The following NSD1 variants were observed in gnomAD, a reference collection of about 807,000 sequenced individuals.
NSD1 encodes the protein histone-lysine N-methyltransferase, H3 lysine-36 specific.
NSD1 carries 26 observed loss-of-function variants against 242.7 expected under a neutral mutation model. That is an observed-to-expected ratio of 0.11 (90% CI 0.08 to 0.15). NSD1 has a LOEUF of 0.15. Among genes scored for constraint, NSD1 ranks in the 10% least tolerant of loss-of-function variants. NSD1 has a pLI of 1.00. For missense variants in NSD1, 2,495 were observed against 3,272.8 expected, an observed-to-expected ratio of 0.76 and a Z score of 5.80; for synonymous variants, 1,106 against 1,178.1, an observed-to-expected ratio of 0.94 and a Z score of 1.25.
At chr5:177,208,142 A>G (rs887192493) in intron 4 of NSD1, among the ~76,000 whole-genome samples, 8 of 152,218 alleles carry the variant, frequency 5.3e-5, no homozygotes, top group Admixed American at 3.9e-4. Flanking sequence ...TGTGGTAGTT[A>G]GAATCTTGAC....
chr5:177,217,829 G>A (rs1193201464), intron 5 of NSD1, among the ~76,000 whole-genome samples: 9 of 151,470 alleles, frequency 5.9e-5, no homozygotes, highest in South Asian at 4.2e-4. Context: ...CACCACGCCC[G>A]GCTAATTTTT....
intron 2 of NSD1, among the ~76,000 whole-genome samples, chr5:177,143,495 T>G (rs1034701022): frequency 6.6e-6 from 1 of 152,042 alleles, no homozygotes; most frequent in Non-Finnish European, 1.5e-5. Context: ...CTAATTTTTG[T>G]ATTTTTAGAA....
In NSD1 at chr5:177,300,000, ATTG is replaced by A. The variant is rs1009370422; in HGVS notation, c.*4544_*4546del. 1.0e-5 allele frequency: 2 copies of A among 198,176 alleles called. No individual in the cohort carries two copies. The highest frequency in any genetic ancestry group is 6.6e-5 in the Admixed American group (1 of 15,200). 12.3% of individuals were successfully genotyped at this position (198,176 alleles called of 1,614,324 possible). On this transcript the variant is annotated 3_prime_UTR_variant, in exon 23 of 23. Transcript: ENST00000439151. ...AAGCTGACGATAGACATCTACCTAT[ATTG>A]TTAAGAAAGGGGTCGGGGGGATCAG...
At chr5:177,228,321 G>A (rs1764796473) in intron 5 of NSD1, among the ~76,000 whole-genome samples, 1 of 150,974 alleles carries the variant, frequency 6.6e-6, no homozygotes, top group Non-Finnish European at 1.5e-5. Flanking sequence ...GAGGGCAGTG[G>A]CATGATCTTG....
chr5:177,134,687 C>G lies in NSD1; in HGVS notation c.-17-400C>G, dbSNP rs1287535221. The stretch of plus-strand genomic sequence containing the variant: ...GGGGGGGTACCTTTTTGTGCAGGGT[C>G]CAGGAGCCCCCCTCGGACCCCGCAG... On this transcript the variant is annotated intron_variant, in intron 1 of 22. Coordinates refer to ENST00000439151, the MANE Select transcript of NSD1 (RefSeq NM_022455.5). This position sits in a 1 kb window ranked among gnomAD's most constrained non-coding sequence, Gnocchi z 4.2. Among the ~76,000 whole-genome samples, 1 of 152,182 alleles carries G rather than the reference C, an allele frequency of 6.6e-6. No homozygotes were observed. Among genetic ancestry groups the G allele is most frequent in the African/African-American group, 2.4e-5 (1 of 41,448 alleles).
chr5:177,242,636 T>C (rs1453183878), intron 8 of NSD1, among the ~76,000 whole-genome samples: 2 of 152,078 alleles, frequency 1.3e-5, no homozygotes, highest in Non-Finnish European at 2.9e-5. Flanking sequence ...CATGCGATTC[T>C]CCTACCCCAG....
chr5:177,222,480 G>A (rs903247503), intron 5 of NSD1, among the ~76,000 whole-genome samples: 2 of 152,142 alleles, frequency 1.3e-5, no homozygotes, highest in Non-Finnish European at 2.9e-5. Context: ...ATGTATGAGG[G>A]TTCCACTTCC....
chr5:177,284,422 C>T (rs1759135271), intron 20 of NSD1, among the ~76,000 whole-genome samples: 1 of 152,040 alleles, frequency 6.6e-6, no homozygotes, highest in Non-Finnish European at 1.5e-5. Flanking sequence ...GGGCTATAGG[C>T]ACATGTCCCC....
intron 2 of NSD1, among the ~76,000 whole-genome samples, chr5:177,175,488 G>A (rs1045125574): frequency 6.6e-6 from 1 of 151,996 alleles, no homozygotes; most frequent in African/African-American, 2.4e-5. Context: ...ATTTAGCCAG[G>A]CTGGTGGCAT....
At chr5:177,182,889 C>T (rs550982229) in intron 2 of NSD1, among the ~76,000 whole-genome samples, 13 of 152,268 alleles carry the variant, frequency 8.5e-5, no homozygotes, top group African/African-American at 1.9e-4. Context: ...CCGCCCACCT[C>T]GGCCTCCCAA....
intron 2 of NSD1, among the ~76,000 whole-genome samples, chr5:177,142,625 T>C (rs77891314): frequency 0.018 from 2,778 of 152,316 alleles, 32 homozygotes; most frequent in Non-Finnish European, 0.028. Context: ...TTATATGCCG[T>C]GCTGTATAGT....
intron 2 of NSD1, among the ~76,000 whole-genome samples, chr5:177,156,407 T>C (rs1254602726): frequency 2.0e-5 from 3 of 152,028 alleles, no homozygotes; most frequent in African/African-American, 2.4e-5. Context: ...TCTCGTTCTT[T>C]AGACCTCGTG....
At position 177,294,612 on chromosome 5, in the gene NSD1, C is replaced by T. The variant is rs1760120385; in HGVS notation, c.7244C>T (p.Ser2415Phe). The change falls in exon 23 of 23, where the codon TCC becomes TTC. Residue 2415 changes from serine to phenylalanine, a missense_variant. Coordinates refer to ENST00000439151, the MANE Select transcript of NSD1 (RefSeq NM_022455.5). Reference sequence around the variant, plus strand: ...ACTGACAAACCCCATGCCTCTTTGTCCCAGAGACTCCCACCTCCTGAGAAA... The same window carrying T: ...ACTGACAAACCCCATGCCTCTTTGTTCCAGAGACTCCCACCTCCTGAGAAA... ...RPTDKPHASLSQRLPPPEKVL... is the reference protein window; with the variant it reads ...RPTDKPHASLFQRLPPPEKVL... 1.2e-6 allele frequency: 2 copies of T among 1,614,108 alleles called. No homozygotes were observed. Among genetic ancestry groups the T allele is most frequent in the Admixed American group, 1.7e-5 (1 of 60,004 alleles).
At chr5:177,265,787 G>T in intron 14 of NSD1, 1 of 1,421,040 alleles carries the variant, frequency 7.0e-7, no homozygotes, top group Non-Finnish European at 1.0e-6. Context: ...GGAGAAGCCG[G>T]TCCCTCCGGT....
At position 177,204,015 on chromosome 5, in the gene NSD1, T is replaced by A; in HGVS notation, c.1064-105T>A. On this transcript the variant is annotated intron_variant, in intron 3 of 22. Coordinates refer to ENST00000439151, the MANE Select transcript of NSD1 (RefSeq NM_022455.5). The stretch of plus-strand genomic sequence containing the variant: ...TTGTCTAGTTCAGTGGGCATGTTAG[T>A]TGTTTCCAGACAGTCTTCTTTGGCG... 3 of 1,107,818 alleles carry A rather than the reference T, an allele frequency of 2.7e-6. No homozygotes were observed. The East Asian group carries it at 7.1e-5, about 26-fold the overall frequency. The allele number at this position is 1,107,818 out of a possible 1,614,324, so 68.6% of individuals were successfully genotyped here.
chr5:177,176,732 A>T (rs764123868), intron 2 of NSD1, among the ~76,000 whole-genome samples: 2 of 152,188 alleles, frequency 1.3e-5, no homozygotes, highest in African/African-American at 2.4e-5. Flanking sequence ...GCTCATTCAT[A>T]TAAGGGATAC....
At chr5:177,255,185 A>G (rs2149909652) in intron 12 of NSD1, among the ~76,000 whole-genome samples, 1 of 152,098 alleles carries the variant, frequency 6.6e-6, no homozygotes, top group East Asian at 1.9e-4. Context: ...GGTGCCTGTA[A>G]TCCCACATAC....
At chr5:177,208,489 T>C (rs1017474347) in intron 4 of NSD1, among the ~76,000 whole-genome samples, 2 of 151,802 alleles carry the variant, frequency 1.3e-5, no homozygotes, top group Non-Finnish European at 2.9e-5. Context: ...CTTTTTTTCT[T>C]TTTCTTTTTT....
rs556451121 is a variant in NSD1, at chr5:177,260,507, C to T, written c.5146+339C>T. Among the ~76,000 whole-genome samples the T allele has an allele frequency of 5.9e-5, 9 of 151,838 alleles. No homozygotes were observed. In the South Asian group the frequency reaches 1.3e-3, roughly 21 times the overall value. ...GATTACAGGTGCCCGCCACCATGCCCGACTAATTGTTTGTATTTTTAGTAG... is the reference window on the plus strand; with the variant it reads ...GATTACAGGTGCCCGCCACCATGCCTGACTAATTGTTTGTATTTTTAGTAG... On this transcript the variant is annotated intron_variant, in intron 14 of 22. Transcript: ENST00000439151.
Sources: allele counts gnomAD v4.1 joint callset (sites outside exome capture counted in the v4.1 genomes callset), GRCh38; gene constraint gnomAD v4.1.1; non-coding constraint Gnocchi (gnomAD v3.1); transcripts MANE v1.5; gene names NCBI Gene and HGNC (gene_info 2026-07-23, HGNC 2026-07-21).